The following NOL8 variants were observed in gnomAD, a reference collection of about 807,000 sequenced individuals.
NOL8 encodes nucleolar protein 8.
NOL8 carries 93 observed loss-of-function variants against 116.1 expected under a neutral mutation model. The observed-to-expected ratio is 0.80, with a 90% CI of 0.68 to 0.95. The LOEUF is 0.95. Among genes scored for constraint, NOL8 ranks in the 40% least tolerant of loss-of-function variants. The pLI, the probability that NOL8 is intolerant of heterozygous loss-of-function variation, is 0.00. For synonymous variants in NOL8, 419 were observed against 469.0 expected, an observed-to-expected ratio of 0.89 and a Z score of 1.38; for missense variants, 1,291 against 1,382.8, an observed-to-expected ratio of 0.93 and a Z score of 1.05.
intron 14 of NOL8, 32 bp from the exon 15 acceptor site, chr9:92,298,986 A>G (rs1268373170): frequency 7.9e-7 from 1 of 1,264,492 alleles, no homozygotes; most frequent in African/African-American, 1.5e-5. Flanking sequence ...AGAGAGAAAA[A>G]TAGGTATTGG....
chr9:92,315,289 T>G lies in NOL8; in HGVS notation c.1336A>C (p.Asn446His), dbSNP rs765478586. 1.9e-6 allele frequency: 3 copies of G among 1,614,018 alleles called. No homozygotes were observed. The highest frequency in any genetic ancestry group is 2.2e-5 in the South Asian group (2 of 91,082). Residue 446 changes from asparagine to histidine, a missense_variant, in exon 7 of 17, where the codon AAT (asparagine) becomes CAT (histidine). Transcript: ENST00000442668. The part of the protein sequence containing the change: ...SALSHGLKSL[N>H]RKSPSHSSSS... ...CTGGAGTGAGAGGGAGATTTACGAT[T>G]AAGAGACTTTAATCCATGACTGAGG... is the stretch of plus-strand genomic sequence containing the variant.
intron 10 of NOL8, among the ~76,000 whole-genome samples, chr9:92,308,406 C>G (rs973345988): frequency 6.6e-6 from 1 of 152,024 alleles, no homozygotes; most frequent in Admixed American, 6.6e-5. Flanking sequence ...AAAAAAACAA[C>G]AACAGAGATT....
At chr9:92,309,157 C>A (rs967783079) in intron 10 of NOL8, among the ~76,000 whole-genome samples, 2 of 152,218 alleles carry the variant, frequency 1.3e-5, no homozygotes, top group Non-Finnish European at 2.9e-5. Flanking sequence ...CATTTTAAAA[C>A]TCTCTGAACC....
intron 11 of NOL8, among the ~76,000 whole-genome samples, chr9:92,306,055 G>A (rs1401973255): frequency 1.7e-4 from 26 of 152,140 alleles, no homozygotes; most frequent in African/African-American, 4.8e-4. Flanking sequence ...GTGCAATGGC[G>A]TGATCTTGGC....
intron 13 of NOL8, chr9:92,300,490 C>G: frequency 2.0e-6 from 2 of 989,986 alleles, no homozygotes; most frequent in African/African-American, 3.5e-5. Context: ...GCTATAAGAT[C>G]AGGACAATCA....
At chr9:92,321,866 G>C (rs1262839583) in intron 3 of NOL8, 120 bp from the exon 4 acceptor site, 8 of 572,516 alleles carry the variant, frequency 1.4e-5, no homozygotes, top group Non-Finnish European at 2.1e-5. Context: ...AGATCCAGGG[G>C]AAGTGGAAGA....
rs1255597370 is a variant in NOL8 at position 92,311,486 on chromosome 9, G to A, written c.2359-227C>T. ...AGGTCTAATACCCAGAATCTATAAG[G>A]AACTTAAACAAATCAACAAGCAAAA... On this transcript the variant is annotated intron_variant, in intron 7 of 16. Coordinates refer to ENST00000442668, the MANE Select transcript of NOL8 (RefSeq NM_017948.6). Among the ~76,000 whole-genome samples, 3 of 151,982 alleles carry A rather than the reference G, an allele frequency of 2.0e-5. No homozygotes were observed. In the East Asian group the frequency reaches 5.8e-4, roughly 29 times the overall value.
At chr9:92,310,931 T>C (rs1467639820) in intron 8 of NOL8, 6 of 574,284 alleles carry the variant, frequency 1.0e-5, no homozygotes, top group Non-Finnish European at 1.8e-5. Context: ...TTGTAGCGTT[T>C]CACTAATATT....
At chr9:92,307,164 C>T (rs1209384667) in intron 10 of NOL8, 140 bp from the exon 11 acceptor site, 1 of 792,134 alleles carries the variant, frequency 1.3e-6, no homozygotes, top group African/African-American at 1.7e-5. Flanking sequence ...ATTTCACTAA[C>T]CTCCATAACC....
At chr9:92,300,421 A>G (rs1233983416) in intron 13 of NOL8, 1 of 989,024 alleles carries the variant, frequency 1.0e-6, no homozygotes, top group Non-Finnish European at 1.2e-6. Context: ...GAGAAAAGGA[A>G]TATATCTTTA....
At chr9:92,322,310 TTAA>T (rs1221706689) in intron 3 of NOL8, among the ~76,000 whole-genome samples, 1 of 152,218 alleles carries the variant, frequency 6.6e-6, no homozygotes, top group African/African-American at 2.4e-5. Context: ...GTCAGCTTCC[TTAA>T]TAATACCATT....
chr9:92,304,246 T>TAG (rs1385093049), intron 12 of NOL8, among the ~76,000 whole-genome samples: 3 of 152,216 alleles, frequency 2.0e-5, no homozygotes, highest in Non-Finnish European at 2.9e-5. Context: ...CTTCCAACAT[T>TAG]TGTCTGTCTA....
At chr9:92,322,222 T>C (rs1383342654) in intron 3 of NOL8, among the ~76,000 whole-genome samples, 2 of 152,220 alleles carry the variant, frequency 1.3e-5, no homozygotes, top group Admixed American at 6.5e-5. Context: ...ACTGTAGAAC[T>C]TGCAGATGAA....
Position 92,315,688 on chromosome 9 carries a change from C to A in NOL8, c.937G>T (p.Ala313Ser). 1.2e-6 allele frequency: 2 copies of A among 1,612,096 alleles called. No individual in the cohort carries two copies. Among genetic ancestry groups the A allele is most frequent in the South Asian group, 2.2e-5 (2 of 90,802 alleles). The change falls in exon 7 of 17, where the codon GCG (alanine) becomes TCG (serine). Residue 313 changes from alanine to serine, a missense_variant. Physicochemically the swap from Ala to Ser is moderately conservative, Grantham distance 99. Transcript: ENST00000442668. ...GTTCTCTGTAAGTTTTCCTCTTTCG[C>A]AATCATCATTCTCAATTCATCTTCA... ...DSEDELRMMI[A>S]KEENLQRTTQ...
intron 12 of NOL8, 24 bp from the exon 13 acceptor site, chr9:92,301,846 T>A (rs1302517119): frequency 5.9e-6 from 9 of 1,519,972 alleles, no homozygotes; most frequent in Non-Finnish European, 7.9e-6. Context: ...TGTAGACATG[T>A]GCATCACAAA....
chr9:92,314,176 T>A (rs928985615), intron 7 of NOL8, 91 bp downstream of exon 7: 6 of 1,419,496 alleles, frequency 4.2e-6, no homozygotes, highest in Non-Finnish European at 5.5e-6. Context: ...ACCAAGACAA[T>A]CAGCTCTATG....
At chr9:92,325,031 C>G (rs1171683967) in intron 1 of NOL8, 1 of 152,040 alleles carries the variant, frequency 6.6e-6, no homozygotes, top group Non-Finnish European at 1.5e-5. Flanking sequence ...GTACTAGGGC[C>G]CATCATAGTA....
rs747226355 is a variant in NOL8 at position 92,300,026 on chromosome 9, T to G, written c.3176-10A>C. 27 of 1,611,250 alleles carry G rather than the reference T, an allele frequency of 1.7e-5. No homozygotes were observed. Among genetic ancestry groups the G allele is most frequent in the South Asian group, 2.2e-5 (2 of 90,740 alleles). ...TCAACTCTGTAGGTCTCTATATCGT[T>G]ATGACAACAAAAGATGATGGGATTG... On this transcript the variant is annotated splice_polypyrimidine_tract_variant and intron_variant, in intron 13 of 16. Coordinates refer to ENST00000442668, the MANE Select transcript of NOL8 (RefSeq NM_017948.6).
chr9:92,323,392 A>C, intron 3 of NOL8, 49 bp downstream of exon 3: 1 of 1,552,474 alleles, frequency 6.4e-7, no homozygotes, highest in Non-Finnish European at 8.7e-7. Flanking sequence ...TCCAAGTTAC[A>C]GAGTCATACA....
Sources: allele counts gnomAD v4.1 joint callset (sites outside exome capture counted in the v4.1 genomes callset), GRCh38; gene constraint gnomAD v4.1.1; transcripts MANE v1.5; gene names NCBI Gene and HGNC (gene_info 2026-07-23, HGNC 2026-07-21).